Variants in CEP104 observed in about 807,000 individuals in gnomAD.
The protein encoded by CEP104 is centrosomal protein 104.
In CEP104, 84 loss-of-function variants were observed where a neutral mutation model predicts 113.3. The observed-to-expected ratio is 0.74, with a 90% CI of 0.62 to 0.89. The LOEUF (loss-of-function observed/expected upper bound fraction) is 0.89, where lower values mean the gene tolerates loss of function less well. Ranked by LOEUF, CEP104 falls within the 40% of genes least tolerant of loss-of-function variation. The pLI is 0.00. For missense variants in CEP104, 1,053 were observed against 1,156.6 expected, an observed-to-expected ratio of 0.91 and a Z score of 1.30; for synonymous variants, 378 against 421.7, an observed-to-expected ratio of 0.90 and a Z score of 1.27.
At chr1:3,841,119 G>A (rs1644403708) in intron 6 of CEP104, among the ~76,000 whole-genome samples, 1 of 152,174 alleles carries the variant, frequency 6.6e-6, no homozygotes, top group Non-Finnish European at 1.5e-5. Flanking sequence ...TGTCCCAGCT[G>A]CTGTATCAAC....
chr1:3,815,492 T>C lies in CEP104; in HGVS notation c.2688A>G (p.Ser896=), dbSNP rs1360488643. ...QPGKSSAVAA[S]GPLGSKAGSK... is the part of the protein sequence containing the mutation. Reference sequence around the variant, plus strand: ...TTCCGGCCTTTGACCCCAAGGGGCCTGATGCGGCCACAGCTGAGCTTTTCC... The same window carrying C: ...TTCCGGCCTTTGACCCCAAGGGGCCCGATGCGGCCACAGCTGAGCTTTTCC... The change falls in exon 22 of 22, where the codon TCA becomes TCG. Residue 896 remains serine (S), a synonymous_variant. Coordinates refer to ENST00000378230, the MANE Select transcript of CEP104 (RefSeq NM_014704.4). The C allele has an allele frequency of 6.2e-7, 1 of 1,609,592 alleles. No individual in the cohort carries two copies. Among genetic ancestry groups the C allele is most frequent in the Non-Finnish European group, 8.5e-7 (1 of 1,178,164 alleles).
chr1:3,826,413 G>C lies in CEP104; in HGVS notation c.2212C>G (p.Pro738Ala). The C allele has an allele frequency of 6.2e-7, 1 of 1,613,888 alleles. No homozygotes were observed. The highest frequency in any genetic ancestry group is 8.5e-7 in the Non-Finnish European group (1 of 1,179,828). The change falls in exon 17 of 22, where the codon CCT (proline) becomes GCT (alanine). Residue 738 changes from proline (P) to alanine (A), a missense_variant. Physicochemically the swap from Pro to Ala is conservative, Grantham distance 27. Transcript: ENST00000378230. ...TCCGGGATTCCCAGAGCTTCAGCAG[G>C]GGCTGCTTTCCCTCCTTGAATGTCT... ...NQDIQGGKAA[P>A]AEALGIPDEH...
intron 16 of CEP104, 118 bp downstream of exon 16, chr1:3,826,590 C>G: frequency 1.5e-6 from 2 of 1,305,630 alleles, no homozygotes; most frequent in Non-Finnish European, 2.2e-6. Context: ...AGCAGGCGTG[C>G]AGTGATACTT....
intron 20 of CEP104, 100 bp from the exon 21 acceptor site, chr1:3,816,470 C>G: frequency 1.1e-6 from 1 of 950,300 alleles, no homozygotes; most frequent in Non-Finnish European, 1.5e-6. Context: ...AAAACGAGGG[C>G]GGCCGCTCCA....
At chr1:3,830,800 A>C (rs1355253127) in intron 13 of CEP104, among the ~76,000 whole-genome samples, 2 of 151,548 alleles carry the variant, frequency 1.3e-5, no homozygotes, top group Non-Finnish European at 2.9e-5. Context: ...AAAAAAGACA[A>C]AGAAATATTT....
Position 3,838,963 on chromosome 1 carries a change from C to G in CEP104, c.891+1G>C. 1 of 1,614,096 alleles carries G rather than the reference C, an allele frequency of 6.2e-7. No homozygotes were observed. The highest frequency in any genetic ancestry group is 1.1e-5 in the South Asian group (1 of 91,082). Reference sequence around the variant, plus strand: ...CACTCCGTCTGGGCTCCTGCACCCACCAGCTCGGCATCCAGGAGGCTGTGC... The same window carrying G: ...CACTCCGTCTGGGCTCCTGCACCCAGCAGCTCGGCATCCAGGAGGCTGTGC... On this transcript the variant is annotated splice_donor_variant, in intron 8 of 21. Transcript: ENST00000378230. LOFTEE classifies it high-confidence loss of function.
chr1:3,836,440 T>C (rs1038977881), intron 10 of CEP104, 55 bp downstream of exon 10: 54 of 1,561,134 alleles, frequency 3.5e-5, no homozygotes, highest in Non-Finnish European at 4.5e-5. Flanking sequence ...GTGCGTACCA[T>C]ATAGACTAGC....
At chr1:3,830,236 C>A (rs1348721039) in intron 13 of CEP104, among the ~76,000 whole-genome samples, 1 of 151,922 alleles carries the variant, frequency 6.6e-6, no homozygotes, top group African/African-American at 2.4e-5. Flanking sequence ...GGCTATAGTG[C>A]AATTTCATCC....
At chr1:3,841,987 C>G (rs957083480) in intron 6 of CEP104, among the ~76,000 whole-genome samples, 1 of 152,244 alleles carries the variant, frequency 6.6e-6, no homozygotes, top group African/African-American at 2.4e-5. Context: ...CCCCACAGTG[C>G]TTCCATCCAA....
At chr1:3,817,234 C>A (rs1212091138) in intron 20 of CEP104, among the ~76,000 whole-genome samples, 1 of 152,154 alleles carries the variant, frequency 6.6e-6, no homozygotes, top group Admixed American at 6.6e-5. Flanking sequence ...CCCAGCTACT[C>A]AGGAGGCTGA....
At chr1:3,830,947 A>T in intron 13 of CEP104, 99 bp downstream of exon 13, 1 of 1,243,324 alleles carries the variant, frequency 8.0e-7, no homozygotes, top group Non-Finnish European at 1.1e-6. Context: ...TCACTGCCTC[A>T]GTCATTCCTT....
rs1315029797 is a variant in CEP104 at position 3,823,564 on chromosome 1, T to C, written c.2365-2A>G. ...CGTCAGACTGGATATCTCGACCACC[T>C]GGATTTCGAAATACAGAGCAAAGCA... is the stretch of plus-strand genomic sequence containing the variant. On this transcript the variant is annotated splice_acceptor_variant, in intron 18 of 21. Coordinates refer to ENST00000378230, the MANE Select transcript of CEP104 (RefSeq NM_014704.4). LOFTEE classifies it high-confidence loss of function. This position sits in a 1 kb window ranked among gnomAD's most constrained non-coding sequence, Gnocchi z 4.1. 6.2e-7 allele frequency: 1 copy of C among 1,614,198 alleles called. No individual in the cohort carries two copies. The highest frequency in any genetic ancestry group is 2.2e-5 in the East Asian group (1 of 44,882).
intron 18 of CEP104, among the ~76,000 whole-genome samples, chr1:3,825,080 G>C: frequency 2.2e-5 from 1 of 44,580 alleles, no homozygotes; most frequent in East Asian, 7.1e-4. Flanking sequence ...TGGGAAGGGA[G>C]CAGTGGCACT....
intron 20 of CEP104, among the ~76,000 whole-genome samples, chr1:3,820,949 C>T (rs1643960482): frequency 6.6e-6 from 1 of 152,182 alleles, no homozygotes; most frequent in Non-Finnish European, 1.5e-5. Context: ...TTGGGAGAGA[C>T]AAGGTTAAAT....
chr1:3,837,057 G>T, intron 9 of CEP104: 1 of 537,070 alleles, frequency 1.9e-6, no homozygotes, highest in South Asian at 2.6e-5. Context: ...TTAGTTTATT[G>T]CTTAGAAATA....
chr1:3,838,764 TGTGA>T (rs946942984), intron 8 of CEP104, among the ~76,000 whole-genome samples, 196 bp downstream of exon 8: 1 of 152,224 alleles, frequency 6.6e-6, no homozygotes, highest in African/African-American at 2.4e-5. Flanking sequence ...TTCCCACGAC[TGTGA>T]GTCTCCTGAA....
chr1:3,824,705 G>A (rs907398621), intron 18 of CEP104, among the ~76,000 whole-genome samples: 20 of 152,170 alleles, frequency 1.3e-4, no homozygotes, highest in Admixed American at 3.9e-4. Flanking sequence ...GCCAAGGCCT[G>A]CAGACAAAAG....
At position 3,823,047 on chromosome 1, in the gene CEP104, C is replaced by T; in HGVS notation, c.2571+127G>A. On this transcript the variant is annotated intron_variant, in intron 20 of 21. Transcript: ENST00000378230. This position sits in a 1 kb window ranked among gnomAD's most constrained non-coding sequence, Gnocchi z 4.1. ...AGACAGGGCTCACTAGACGCTGTCC[C>T]CTCCCTGAACACTCATGTACTGTAC... is the stretch of plus-strand genomic sequence containing the variant. The T allele has an allele frequency of 1.2e-6, 1 of 819,498 alleles. No homozygotes were observed. Among genetic ancestry groups the T allele is most frequent in the East Asian group, 2.5e-5 (1 of 40,738 alleles). The allele number at this position is 819,498 out of a possible 1,614,324, so 50.8% of individuals were successfully genotyped here.
At chr1:3,830,555 C>T (rs936330264) in intron 13 of CEP104, among the ~76,000 whole-genome samples, 1 of 151,926 alleles carries the variant, frequency 6.6e-6, no homozygotes, top group Non-Finnish European at 1.5e-5. Context: ...GGGCGGATCA[C>T]GAGGTCAGGA....
Sources: gnomAD v4.1 joint callset for allele counts (sites outside exome capture counted in the v4.1 genomes callset) on GRCh38, gnomAD v4.1.1 for gene constraint, Gnocchi (gnomAD v3.1) non-coding constraint, MANE v1.5 for transcripts, NCBI Gene and HGNC (gene_info 2026-07-23, HGNC 2026-07-21) for gene names.